Variants in COL4A5 observed in about 807,000 individuals in gnomAD.
COL4A5 encodes collagen type IV alpha 5 chain.
Under a neutral mutation model 130.2 loss-of-function variants are expected in COL4A5, and 26 were observed. That is an observed-to-expected ratio of 0.20 (90% CI 0.15 to 0.28). The LOEUF (loss-of-function observed/expected upper bound fraction) is 0.28, where lower values mean the gene tolerates loss of function less well. COL4A5 is among the 10% of genes least tolerant of loss of function. The pLI, the probability that COL4A5 is intolerant of heterozygous loss-of-function variation, is 1.00. For missense variants in COL4A5, 1,131 were observed against 1,344.3 expected (o/e 0.84, Z 2.48); for synonymous variants, 496 against 439.6 (o/e 1.13, Z -1.60).
chrX:108,521,834 A>T (rs1341757579), intron 1 of COL4A5, among the ~76,000 whole-genome samples: 1 of 111,331 alleles, frequency 9.0e-6, no homozygotes, highest in Non-Finnish European at 1.9e-5. Context: ...TTTACATACC[A>T]TACATTTTAC....
chrX:108,528,859 A>G (rs1486295993), intron 1 of COL4A5, among the ~76,000 whole-genome samples: 2 of 112,302 alleles, frequency 1.8e-5, no homozygotes, highest in African/African-American at 3.2e-5. Context: ...GTTAGCCCCA[A>G]GGATGAAGAG....
At chrX:108,590,670 T>A in intron 19 of COL4A5, among the ~76,000 whole-genome samples, 1 of 111,899 alleles carries the variant, frequency 8.9e-6, no homozygotes, top group Middle Eastern at 4.7e-3. Flanking sequence ...CTAAAAAGTG[T>A]GTTAATGGTG....
chrX:108,655,883 G>T (rs1429330823), intron 37 of COL4A5, among the ~76,000 whole-genome samples: 1 of 112,741 alleles, frequency 8.9e-6, no homozygotes, highest in Non-Finnish European at 1.9e-5. Context: ...CAAGGATTGA[G>T]CCATTCAAGT....
At chrX:108,626,081 G>A in intron 35 of COL4A5, 129 bp from the exon 36 acceptor site, 1 of 601,169 alleles carries the variant, frequency 1.7e-6, no homozygotes, top group Non-Finnish European at 2.6e-6. Context: ...GTGTTTGTGA[G>A]GCTCATTATT....
At chrX:108,610,757 T>A (rs1412382022) in intron 29 of COL4A5, among the ~76,000 whole-genome samples, 1 of 111,390 alleles carries the variant, frequency 9.0e-6, no homozygotes, top group Non-Finnish European at 1.9e-5. Context: ...CAGGAGTAAT[T>A]CTCAATTATT....
chrX:108,566,661 G>C (rs28481942), intron 4 of COL4A5, among the ~76,000 whole-genome samples: 26,627 of 109,052 alleles, frequency 0.24, 2,764 homozygotes, highest in East Asian at 0.57. Flanking sequence ...CCATTCTCCT[G>C]CCTCAGCCTC....
chrX:108,592,180 T>G (rs775974793), intron 21 of COL4A5, among the ~76,000 whole-genome samples: 1 of 112,089 alleles, frequency 8.9e-6, no homozygotes, highest in Non-Finnish European at 1.9e-5. Context: ...GAACTTTCAC[T>G]GATTGCTACC....
chrX:108,669,940 C>T, intron 41 of COL4A5: 1 of 290,533 alleles, frequency 3.4e-6, no homozygotes, highest in African/African-American at 2.7e-5. Context: ...ATTGATTGTT[C>T]TTAGTCTGAG....
chrX:108,569,454 A>G (rs1449713698), intron 6 of COL4A5, among the ~76,000 whole-genome samples: 1 of 111,642 alleles, frequency 9.0e-6, no homozygotes, highest in Non-Finnish European at 1.9e-5. Flanking sequence ...AATATAAAGT[A>G]ATAGATAATA....
At chrX:108,552,246 T>C (rs2065763852) in intron 2 of COL4A5, among the ~76,000 whole-genome samples, 1 of 112,109 alleles carries the variant, frequency 8.9e-6, no homozygotes, top group Non-Finnish European at 1.9e-5. Flanking sequence ...TCATAAAGTA[T>C]GTAACTTTTT....
At chrX:108,444,452 C>T (rs1249761599) in intron 1 of COL4A5, among the ~76,000 whole-genome samples, 1 of 111,499 alleles carries the variant, frequency 9.0e-6, no homozygotes. Context: ...AACTCCTGAC[C>T]TCGTGATCCA....
At chrX:108,451,998 T>A (rs2064520794) in intron 1 of COL4A5, among the ~76,000 whole-genome samples, 1 of 112,120 alleles carries the variant, frequency 8.9e-6, no homozygotes, top group Non-Finnish European at 1.9e-5. Context: ...AATTAATTTT[T>A]GTATAAGGTG....
chrX:108,667,232 A>G (rs780877258), intron 40 of COL4A5, 49 bp downstream of exon 40: 1 of 1,063,010 alleles, frequency 9.4e-7, no homozygotes, highest in Non-Finnish European at 1.3e-6. Context: ...AAATGAGATT[A>G]TTTCCAAATA....
intron 2 of COL4A5, among the ~76,000 whole-genome samples, chrX:108,548,605 A>G (rs1481562542): frequency 9.0e-6 from 1 of 111,616 alleles, no homozygotes; most frequent in East Asian, 2.8e-4. Flanking sequence ...GGTGAAAAGT[A>G]TAAATTTACA....
chrX:108,546,076 G>T (rs1379368585), intron 2 of COL4A5, among the ~76,000 whole-genome samples: 5 of 111,464 alleles, frequency 4.5e-5, no homozygotes, highest in East Asian at 2.8e-4. Context: ...TGCCAGTCTG[G>T]GTCTTTTAAT....
At chrX:108,561,084 G>C (rs1036909693) in intron 3 of COL4A5, among the ~76,000 whole-genome samples, 1 of 111,371 alleles carries the variant, frequency 9.0e-6, no homozygotes, top group Non-Finnish European at 1.9e-5. Flanking sequence ...ATAAAGTTAG[G>C]GTACATGAAG....
intron 40 of COL4A5, among the ~76,000 whole-genome samples, chrX:108,667,575 G>A (rs1432633144): frequency 9.2e-6 from 1 of 108,783 alleles, no homozygotes; most frequent in African/African-American, 3.3e-5. Context: ...TTGGGTAGAT[G>A]TGTGTGTGCA....
chrX:108,693,132 G>A (rs1445016822), intron 50 of COL4A5, among the ~76,000 whole-genome samples: 2 of 111,719 alleles, frequency 1.8e-5, no homozygotes, highest in Non-Finnish European at 3.8e-5. Context: ...TAGTGTAATA[G>A]CCAGATAATG....
chrX:108,449,205 A>T (rs993641017), intron 1 of COL4A5, among the ~76,000 whole-genome samples: 2 of 111,916 alleles, frequency 1.8e-5, no homozygotes, highest in East Asian at 5.6e-4. Flanking sequence ...TGCTACCTAG[A>T]AAAGTTGGAG....
Sources: gnomAD v4.1 joint callset for allele counts (sites outside exome capture counted in the v4.1 genomes callset) on GRCh38, gnomAD v4.1.1 for gene constraint, MANE v1.5 for transcripts, NCBI Gene and HGNC (gene_info 2026-07-23, HGNC 2026-07-21) for gene names.